DNAH5: variants seen among roughly 807,000 people sequenced by gnomAD.
The protein encoded by DNAH5 is axonemal beta dynein heavy chain 5.
In DNAH5, 372 loss-of-function variants were observed where a neutral mutation model predicts 518.2. The ratio of observed to expected loss-of-function variants is 0.72; its 90% CI spans 0.66 to 0.78. DNAH5 has a LOEUF of 0.78. Among genes scored for constraint, DNAH5 ranks in the 30% least tolerant of loss-of-function variants. The probability of loss-of-function intolerance (pLI) is 0.00; values close to 1 mark genes in which losing one functional copy is unlikely to be tolerated. For synonymous variants in DNAH5, 2,039 were observed against 2,025.9 expected (o/e 1.01, Z -0.17); for missense variants, 5,523 against 5,687.0 (o/e 0.97, Z 0.93).
intron 70 of DNAH5, among the ~76,000 whole-genome samples, chr5:13,721,555 G>C (rs1745064734): frequency 6.6e-6 from 1 of 152,076 alleles, no homozygotes; most frequent in Non-Finnish European, 1.5e-5. Flanking sequence ...AAAATACTGG[G>C]AAACTATTGT....
intron 47 of DNAH5, among the ~76,000 whole-genome samples, chr5:13,795,691 G>C (rs558886233): frequency 6.8e-4 from 103 of 152,230 alleles, no homozygotes; most frequent in African/African-American, 2.2e-3. Flanking sequence ...TCCTCCCTAA[G>C]TCATTTTATG....
chr5:13,915,603 C>T lies in DNAH5; in HGVS notation c.1197+745G>A, dbSNP rs374146762. ...AACTACCTACATGACAGAAGGAAAACGTTTCCTATTGAGCTCTTAAGGCTG... is the reference window on the plus strand; with the variant it reads ...AACTACCTACATGACAGAAGGAAAATGTTTCCTATTGAGCTCTTAAGGCTG... On this transcript the variant is annotated intron_variant, in intron 9 of 78. Coordinates refer to ENST00000265104, the MANE Select transcript of DNAH5 (RefSeq NM_001369.3). Among the ~76,000 whole-genome samples the T allele has an allele frequency of 5.9e-5, 9 of 152,124 alleles. No individual in the cohort carries two copies. The East Asian group carries it at 7.7e-4, about 13-fold the overall frequency.
intron 15 of DNAH5, 21 bp downstream of exon 15, chr5:13,900,185 G>A (rs749758073): frequency 2.6e-5 from 41 of 1,592,398 alleles, no homozygotes; most frequent in Non-Finnish European, 3.5e-5. Flanking sequence ...AGAATGGGGG[G>A]AAAAAATAAA....
intron 36 of DNAH5, 73 bp downstream of exon 36, chr5:13,830,524 T>G: frequency 6.4e-7 from 1 of 1,564,686 alleles, no homozygotes; most frequent in Non-Finnish European, 8.8e-7. Context: ...TGGCCAATTG[T>G]TGAAAACAAA....
chr5:13,711,147 C>T (rs976299446), intron 75 of DNAH5, among the ~76,000 whole-genome samples: 3 of 152,170 alleles, frequency 2.0e-5, no homozygotes, highest in Non-Finnish European at 2.9e-5. Flanking sequence ...AATCCAACAA[C>T]ATATCAAAAA....
intron 16 of DNAH5, among the ~76,000 whole-genome samples, chr5:13,892,163 C>T (rs1244046867): frequency 6.6e-6 from 1 of 152,096 alleles, no homozygotes; most frequent in African/African-American, 2.4e-5. Context: ...ATAGTTCTGC[C>T]TGGTAAATTG....
At chr5:13,920,442 G>A in intron 6 of DNAH5, 38 bp downstream of exon 6, 1 of 1,613,088 alleles carries the variant, frequency 6.2e-7, no homozygotes. Flanking sequence ...GCGCAGTAAT[G>A]TGGCACCTGA....
intron 1 of DNAH5, among the ~76,000 whole-genome samples, chr5:13,970,884 C>T (rs1203773477): frequency 1.3e-5 from 2 of 152,146 alleles, no homozygotes; most frequent in South Asian, 2.1e-4. Flanking sequence ...ATATGTTTTC[C>T]AAACTTTTAG....
intron 1 of DNAH5, among the ~76,000 whole-genome samples, chr5:14,000,247 G>T (rs1037811668): frequency 2.6e-5 from 4 of 152,194 alleles, no homozygotes; most frequent in African/African-American, 9.6e-5. Context: ...AGGACACGGG[G>T]AGGACACAGC....
At chr5:13,698,258 T>A (rs1382269333) in intron 78 of DNAH5, among the ~76,000 whole-genome samples, 1 of 152,172 alleles carries the variant, frequency 6.6e-6, no homozygotes, top group South Asian at 2.1e-4. Context: ...TATTTTGTTA[T>A]AGCAACAGAA....
intron 52 of DNAH5, among the ~76,000 whole-genome samples, chr5:13,781,189 G>C (rs1203975666): frequency 6.6e-6 from 1 of 152,018 alleles, no homozygotes; most frequent in African/African-American, 2.4e-5. Context: ...GGAAGTAGGA[G>C]GACACCAGGG....
chr5:13,776,754 T>C (rs533089518), intron 54 of DNAH5, 48 bp from the exon 55 acceptor site: 26 of 1,595,208 alleles, frequency 1.6e-5, no homozygotes, highest in African/African-American at 1.2e-4. Context: ...CATAGGAAAA[T>C]AGATCAAAAT....
intron 65 of DNAH5, among the ~76,000 whole-genome samples, chr5:13,745,537 T>C (rs1308401348): frequency 6.6e-6 from 1 of 152,206 alleles, no homozygotes; most frequent in Non-Finnish European, 1.5e-5. Flanking sequence ...GACCCGATTA[T>C]GTGTGATAAT....
In DNAH5 at chr5:13,927,591, A is replaced by G. The variant is rs369085021; in HGVS notation, c.277+503T>C. On this transcript the variant is annotated intron_variant, in intron 3 of 78. Transcript: ENST00000265104. ...TGAGAATGATGAAACCTGTCATCCA[A>G]TATTATTTATTTAAAGCAGAGTCAG... 7.0e-4 allele frequency among the ~76,000 whole-genome samples: 106 copies of G among 152,318 alleles called. 1 individual carries two copies. The South Asian group carries it at 0.019, about 27-fold the overall frequency.
chr5:13,974,031 A>T (rs770659957), intron 1 of DNAH5, among the ~76,000 whole-genome samples: 7 of 152,152 alleles, frequency 4.6e-5, no homozygotes, highest in Non-Finnish European at 8.8e-5. Context: ...TACTTTCCTG[A>T]ATATGCACTT....
In DNAH5 at chr5:13,770,731, T is replaced by C; in HGVS notation, c.9605+18A>G. On this transcript the variant is annotated intron_variant, in intron 56 of 78. Coordinates refer to ENST00000265104, the MANE Select transcript of DNAH5 (RefSeq NM_001369.3). ...GCCACGGCTTTAATATAGCTTTGTA[T>C]AAGAACATCACACTTACCTGTTGGC... is the stretch of plus-strand genomic sequence containing the variant. 2 of 1,607,640 alleles carry C rather than the reference T, an allele frequency of 1.2e-6. No individual in the cohort carries two copies. The highest frequency in any genetic ancestry group is 1.7e-6 in the Non-Finnish European group (2 of 1,174,388).
chr5:13,957,007 CA>C (rs1780804494), intron 1 of DNAH5, among the ~76,000 whole-genome samples: 1 of 152,214 alleles, frequency 6.6e-6, no homozygotes. Flanking sequence ...CACTGTACCT[CA>C]ATCAACAGAC....
At chr5:13,988,275 A>T (rs1417352516) in intron 1 of DNAH5, among the ~76,000 whole-genome samples, 1 of 152,212 alleles carries the variant, frequency 6.6e-6, no homozygotes. Flanking sequence ...CTTTGATGCC[A>T]CTGTCCCTTT....
chr5:13,776,220 G>A (rs539267256), intron 55 of DNAH5, among the ~76,000 whole-genome samples: 1 of 152,186 alleles, frequency 6.6e-6, no homozygotes, highest in Non-Finnish European at 1.5e-5. Flanking sequence ...GCCTTGAGAA[G>A]GAAATGTCCA....
Sources: allele counts gnomAD v4.1 joint callset (sites outside exome capture counted in the v4.1 genomes callset), GRCh38; gene constraint gnomAD v4.1.1; transcripts MANE v1.5; gene names NCBI Gene and HGNC (gene_info 2026-07-23, HGNC 2026-07-21).